TSPAN18: variants seen among roughly 807,000 people sequenced by gnomAD.
TSPAN18 encodes the protein tetraspanin-18.
In TSPAN18, 14 loss-of-function variants were observed where a neutral mutation model predicts 27.3. The observed-to-expected ratio is 0.51, with a 90% CI of 0.34 to 0.80. The LOEUF (loss-of-function observed/expected upper bound fraction) is 0.80, where lower values mean the gene tolerates loss of function less well. TSPAN18 is among the 30% of genes least tolerant of loss of function. TSPAN18 has a pLI of 0.01. For missense variants in TSPAN18, 268 were observed against 323.9 expected, an observed-to-expected ratio of 0.83 and a Z score of 1.32; for synonymous variants, 143 against 136.5, an observed-to-expected ratio of 1.05 and a Z score of -0.33.
chr11:44,787,486 T>C (rs907550265), intron 2 of TSPAN18, among the ~76,000 whole-genome samples: 2 of 152,200 alleles, frequency 1.3e-5, no homozygotes, highest in Non-Finnish European at 1.5e-5. Context: ...TTGCTGGCTG[T>C]GCAGGTTGAT....
intron 3 of TSPAN18, among the ~76,000 whole-genome samples, chr11:44,887,635 C>T (rs1590631647): frequency 6.6e-6 from 1 of 152,204 alleles, no homozygotes; most frequent in South Asian, 2.1e-4. Flanking sequence ...CGCCTTTCCC[C>T]TCTCCTGACC....
chr11:44,836,798 C>T (rs773003862), intron 2 of TSPAN18, among the ~76,000 whole-genome samples: 1 of 152,226 alleles, frequency 6.6e-6, no homozygotes, highest in Non-Finnish European at 1.5e-5. Flanking sequence ...TAAATCCACT[C>T]TGCTTGTGCT....
chr11:44,852,931 C>T (rs1468260221), intron 2 of TSPAN18, among the ~76,000 whole-genome samples: 1 of 152,188 alleles, frequency 6.6e-6, no homozygotes, highest in Non-Finnish European at 1.5e-5. Context: ...ACTTGGAAGG[C>T]ACAGACGCAT....
intron 3 of TSPAN18, among the ~76,000 whole-genome samples, chr11:44,877,704 C>T (rs1371045120): frequency 1.3e-5 from 2 of 152,186 alleles, no homozygotes; most frequent in Non-Finnish European, 2.9e-5. Flanking sequence ...TGTTCCACTT[C>T]GCCCACAGCC....
At chr11:44,767,764 G>T (rs143584155) in intron 2 of TSPAN18, among the ~76,000 whole-genome samples, 40 of 152,276 alleles carry the variant, frequency 2.6e-4, no homozygotes, top group African/African-American at 8.7e-4. Flanking sequence ...GATTCTTTTT[G>T]AGTTAATTTT....
In TSPAN18 at chr11:44,807,192, TAAAAAAAAAAAAA is replaced by T. The variant is rs1046665098; in HGVS notation, c.-153+42712_-153+42724del. On this transcript the variant is annotated intron_variant, in intron 2 of 9. Coordinates refer to ENST00000520358, the MANE Select transcript of TSPAN18 (RefSeq NM_130783.5). ...GGCTAAGTAGCAAGACCCTGTCTCTTAAAAAAAAAAAAAAAAAAAAAAAAAAAAAAAAAAAAAA... is the reference window on the plus strand; with the variant it reads ...GGCTAAGTAGCAAGACCCTGTCTCTTAAAAAAAAAAAAAAAAAAAAAAAAA... Among the ~76,000 whole-genome samples, 123 of 67,260 alleles carry T rather than the reference TAAAAAAAAAAAAA, an allele frequency of 1.8e-3. 3 individuals carry two copies. In the East Asian group the frequency reaches 0.022, roughly 12 times the overall value. 44.1% of individuals were successfully genotyped at this position (67,260 alleles called of 152,430 possible).
At chr11:44,754,445 G>A (rs1164877328) in intron 1 of TSPAN18, among the ~76,000 whole-genome samples, 2 of 152,194 alleles carry the variant, frequency 1.3e-5, no homozygotes, top group Admixed American at 6.5e-5. Context: ...GGAGTTCAGG[G>A]TCTGGAACAT....
intron 2 of TSPAN18, among the ~76,000 whole-genome samples, chr11:44,824,045 C>T (rs1278576704): frequency 6.6e-6 from 1 of 152,198 alleles, no homozygotes; most frequent in Non-Finnish European, 1.5e-5. Flanking sequence ...TGGTCATGAC[C>T]GCCCCCAGCT....
At chr11:44,805,668 A>G (rs1419538429) in intron 2 of TSPAN18, among the ~76,000 whole-genome samples, 1 of 152,210 alleles carries the variant, frequency 6.6e-6, no homozygotes, top group Non-Finnish European at 1.5e-5. Flanking sequence ...GTGGCTCAAA[A>G]CAAAAGATGT....
chr11:44,920,896 C>T (rs1328895445), intron 8 of TSPAN18, among the ~76,000 whole-genome samples: 1 of 152,210 alleles, frequency 6.6e-6, no homozygotes, highest in Admixed American at 6.5e-5. Context: ...GTAATCATTT[C>T]ACATGGTCAT....
intron 3 of TSPAN18, among the ~76,000 whole-genome samples, chr11:44,891,054 C>T (rs1247773482): frequency 6.6e-6 from 1 of 152,022 alleles, no homozygotes; most frequent in Non-Finnish European, 1.5e-5. Context: ...ATCTGGAGTT[C>T]CAGCTACTTG....
chr11:44,732,957 A>T (rs1297791379), intron 1 of TSPAN18, among the ~76,000 whole-genome samples: 2 of 152,056 alleles, frequency 1.3e-5, no homozygotes, highest in African/African-American at 4.8e-5. Context: ...AAAGATGATG[A>T]CTCCACCATC....
intron 3 of TSPAN18, among the ~76,000 whole-genome samples, chr11:44,901,880 A>G (rs1447658806): frequency 6.6e-6 from 1 of 152,228 alleles, no homozygotes; most frequent in Admixed American, 6.5e-5. Flanking sequence ...TAAAATGGGC[A>G]TAGTACGTCC....
intron 1 of TSPAN18, chr11:44,736,747 A>C (rs1487175501): frequency 6.6e-6 from 1 of 152,152 alleles, no homozygotes; most frequent in Non-Finnish European, 1.5e-5. Flanking sequence ...ACACATTCTG[A>C]ACACAGCGCC....
At chr11:44,786,478 C>T (rs1292256513) in intron 2 of TSPAN18, among the ~76,000 whole-genome samples, 1 of 151,994 alleles carries the variant, frequency 6.6e-6, no homozygotes, top group Non-Finnish European at 1.5e-5. Context: ...CAGTGTGGTT[C>T]CCTGCCAGTT....
intron 6 of TSPAN18, 142 bp downstream of exon 6, chr11:44,918,188 C>A (rs375283466): frequency 2.3e-6 from 2 of 852,558 alleles, no homozygotes; most frequent in African/African-American, 3.4e-5. Context: ...AGTCATGGCC[C>A]CACCCGCCTG....
intron 8 of TSPAN18, among the ~76,000 whole-genome samples, chr11:44,921,318 G>T (rs749374413): frequency 5.6e-4 from 85 of 152,206 alleles, no homozygotes; most frequent in Non-Finnish European, 1.1e-3. Flanking sequence ...TGTTGCCTTC[G>T]CCAAGACACC....
At chr11:44,770,299 T>C (rs988094833) in intron 2 of TSPAN18, among the ~76,000 whole-genome samples, 5 of 151,904 alleles carry the variant, frequency 3.3e-5, no homozygotes, top group Non-Finnish European at 7.4e-5. Context: ...TGGGGGAGGA[T>C]TGCTATTATG....
chr11:44,751,691 G>T (rs1207996819), intron 1 of TSPAN18, among the ~76,000 whole-genome samples: 1 of 152,118 alleles, frequency 6.6e-6, no homozygotes, highest in African/African-American at 2.4e-5. Context: ...GCCAAGGTGG[G>T]TCAGGAGTTG....
Sources: gnomAD v4.1 joint callset for allele counts (sites outside exome capture counted in the v4.1 genomes callset) on GRCh38, gnomAD v4.1.1 for gene constraint, MANE v1.5 for transcripts, NCBI Gene and HGNC (gene_info 2026-07-23, HGNC 2026-07-21) for gene names.